DCDC2: variants seen among roughly 807,000 people sequenced by gnomAD.
DCDC2 encodes doublecortin domain-containing protein 2.
In DCDC2, 40 loss-of-function variants were observed where a neutral mutation model predicts 50.2. The observed-to-expected ratio is 0.80, with a 90% CI of 0.62 to 1.04. DCDC2 has a LOEUF of 1.04. Ranked by LOEUF, DCDC2 falls within the 50% of genes least tolerant of loss-of-function variation. The pLI, the probability that DCDC2 is intolerant of heterozygous loss-of-function variation, is 0.00. For synonymous variants in DCDC2, 234 were observed against 210.6 expected, an observed-to-expected ratio of 1.11 and a Z score of -0.96; for missense variants, 570 against 581.9, an observed-to-expected ratio of 0.98 and a Z score of 0.21.
At chr6:24,261,625 C>T (rs1465208780) in intron 7 of DCDC2, among the ~76,000 whole-genome samples, 2 of 152,108 alleles carry the variant, frequency 1.3e-5, no homozygotes, top group African/African-American at 4.8e-5. Flanking sequence ...AGTGCAGTTG[C>T]CCACAGGAGT....
At chr6:24,320,859 G>A (rs897225768) in intron 2 of DCDC2, among the ~76,000 whole-genome samples, 4 of 151,684 alleles carry the variant, frequency 2.6e-5, no homozygotes, top group African/African-American at 4.8e-5. Flanking sequence ...AGGGACTAGA[G>A]ATCCTTGGAG....
Position 24,294,946 on chromosome 6 carries a change from ACTC to A in DCDC2, c.558-3871_558-3869del, listed in dbSNP as rs546953819. On this transcript the variant is annotated intron_variant, in intron 4 of 9. Transcript: ENST00000378454. ...TATTCCAAAAAATTGAGGAGGAGGA[ACTC>A]CTCCTCAACTTGTTCTATGAGGCCA... Among the ~76,000 whole-genome samples, 306 of 151,896 alleles carry A rather than the reference ACTC, an allele frequency of 2.0e-3. 1 individual carries two copies. Among genetic ancestry groups the A allele is most frequent in the African/African-American group, 6.9e-3 (285 of 41,416 alleles).
intron 8 of DCDC2, among the ~76,000 whole-genome samples, chr6:24,198,156 A>G (rs1761488279): frequency 6.6e-6 from 1 of 152,120 alleles, no homozygotes; most frequent in Non-Finnish European, 1.5e-5. Flanking sequence ...AACCAAAACA[A>G]TCTCAAGGAC....
At position 24,333,507 on chromosome 6, in the gene DCDC2, T is replaced by C. The variant is rs537801010; in HGVS notation, c.348+20062A>G. ...TTCACAAAACAGTACTTATCTTTGC[T>C]ATCTCTAGTGCAGCCTGATATGTTC... On this transcript the variant is annotated intron_variant, in intron 2 of 9. Coordinates refer to ENST00000378454, the MANE Select transcript of DCDC2 (RefSeq NM_016356.5). Among the ~76,000 whole-genome samples, 18 of 152,322 alleles carry C rather than the reference T, an allele frequency of 1.2e-4. No individual in the cohort carries two copies. The East Asian group carries it at 2.7e-3, about 23-fold the overall frequency.
chr6:24,196,209 G>A (rs928641615), intron 8 of DCDC2, among the ~76,000 whole-genome samples: 18 of 126,124 alleles, frequency 1.4e-4, no homozygotes, highest in Non-Finnish European at 2.2e-4. Flanking sequence ...TTTCCTTTCT[G>A]GGTTAATAAT....
At chr6:24,178,958 C>A (rs548622975) in intron 8 of DCDC2, among the ~76,000 whole-genome samples, 1 of 152,134 alleles carries the variant, frequency 6.6e-6, no homozygotes, top group East Asian at 1.9e-4. Context: ...AGAACCAGTG[C>A]TTGTAACCCC....
intron 2 of DCDC2, among the ~76,000 whole-genome samples, chr6:24,322,569 T>C (rs1364109146): frequency 6.6e-6 from 1 of 150,618 alleles, no homozygotes; most frequent in Non-Finnish European, 1.5e-5. Flanking sequence ...AGAAATAATT[T>C]ACAACCTGCT....
the DCDC2 span, among the ~76,000 whole-genome samples, chr6:24,363,786 TA>T: frequency 6.6e-6 from 1 of 152,170 alleles, no homozygotes; most frequent in South Asian, 2.1e-4. Context: ...CCCTAAGAGG[TA>T]ACCCTGTCTC....
chr6:24,262,771 A>C (rs1393835486), intron 7 of DCDC2, among the ~76,000 whole-genome samples: 1 of 152,248 alleles, frequency 6.6e-6, no homozygotes, highest in Non-Finnish European at 1.5e-5. Context: ...AAGGGAACCC[A>C]CCTTGGGCCA....
chr6:24,176,037 A>C (rs1353221781), intron 9 of DCDC2, among the ~76,000 whole-genome samples: 4 of 152,028 alleles, frequency 2.6e-5, no homozygotes, highest in African/African-American at 9.7e-5. Flanking sequence ...ACGTGGCTGT[A>C]ATCTCATCAC....
At chr6:24,337,283 G>A (rs1247779395) in intron 2 of DCDC2, among the ~76,000 whole-genome samples, 1 of 152,094 alleles carries the variant, frequency 6.6e-6, no homozygotes, top group African/African-American at 2.4e-5. Flanking sequence ...TTCACACTCT[G>A]TTGTAAATTT....
intron 7 of DCDC2, among the ~76,000 whole-genome samples, chr6:24,227,094 G>T (rs1247825661): frequency 6.6e-6 from 1 of 152,182 alleles, no homozygotes; most frequent in African/African-American, 2.4e-5. Context: ...CAAAAAGATG[G>T]AAAAGCAGCA....
the DCDC2 span, chr6:24,365,628 C>G: frequency 0.58 from 87,677 of 152,016 alleles, 26,612 homozygotes; most frequent in East Asian, 0.8. Context: ...ATGTAACTAA[C>G]GAGTTAAGAA....
chr6:24,347,993 T>G (rs1274210535), intron 2 of DCDC2, among the ~76,000 whole-genome samples: 1 of 152,032 alleles, frequency 6.6e-6, no homozygotes, highest in African/African-American at 2.4e-5. Context: ...TTCAGCGTGG[T>G]GGGTACGATA....
At chr6:24,291,717 C>T (rs1435683842) in intron 4 of DCDC2, among the ~76,000 whole-genome samples, 3 of 151,962 alleles carry the variant, frequency 2.0e-5, no homozygotes, top group African/African-American at 7.2e-5. Flanking sequence ...GATCTCCTGA[C>T]CTCGTGATCC....
intron 7 of DCDC2, among the ~76,000 whole-genome samples, chr6:24,269,266 T>G (rs977158484): frequency 2.8e-4 from 42 of 152,228 alleles, no homozygotes; most frequent in African/African-American, 9.9e-4. Flanking sequence ...TGGCCTATGT[T>G]CTTTAGTAGT....
upstream of DCDC2, among the ~76,000 whole-genome samples, chr6:24,359,200 A>G (rs1230922320): frequency 2.2e-5 from 1 of 46,054 alleles, no homozygotes; most frequent in Non-Finnish European, 3.5e-5. Flanking sequence ...TATATATTAT[A>G]TATATTTTAT....
At chr6:24,246,632 G>A (rs149239954) in intron 7 of DCDC2, among the ~76,000 whole-genome samples, 7,041 of 151,666 alleles carry the variant, frequency 0.046, 185 homozygotes, top group African/African-American at 0.063. Context: ...GATTACAGGC[G>A]TCAGCCACAA....
At chr6:24,282,123 T>C (rs961063416) in intron 6 of DCDC2, among the ~76,000 whole-genome samples, 15 of 152,164 alleles carry the variant, frequency 9.9e-5, no homozygotes, top group African/African-American at 3.6e-4. Flanking sequence ...CCAACCACTG[T>C]CCTGCCCTTT....
Sources: allele counts gnomAD v4.1 joint callset (sites outside exome capture counted in the v4.1 genomes callset), GRCh38; gene constraint gnomAD v4.1.1; transcripts MANE v1.5; gene names NCBI Gene and HGNC (gene_info 2026-07-23, HGNC 2026-07-21).